The following NCAM1 variants were observed in gnomAD, a reference collection of about 807,000 sequenced individuals.
NCAM1 encodes the protein antigen recognized by monoclonal antibody 5.1H11.
NCAM1 carries 14 observed loss-of-function variants against 109.8 expected under a neutral mutation model. The observed-to-expected ratio is 0.13, with a 90% CI of 0.08 to 0.20. The LOEUF is 0.20. Ranked by LOEUF, NCAM1 falls within the 10% of genes least tolerant of loss-of-function variation. NCAM1 has a pLI of 1.00. For synonymous variants in NCAM1, 418 were observed against 442.9 expected, an observed-to-expected ratio of 0.94 and a Z score of 0.70; for missense variants, 774 against 1,109.9, an observed-to-expected ratio of 0.70 and a Z score of 4.30.
chr11:112,963,520 C>T lies in NCAM1; in HGVS notation c.52+1856C>T, dbSNP rs1243664312. 2 of 152,242 alleles carry T rather than the reference C, an allele frequency of 1.3e-5. No homozygotes were observed. The highest frequency in any genetic ancestry group is 2.4e-5 in the African/African-American group (1 of 41,442). The allele number at this position is 152,242 out of a possible 1,614,324, so 9.4% of individuals were successfully genotyped here. On this transcript the variant is annotated intron_variant, in intron 1 of 19. Coordinates refer to ENST00000316851, the MANE Select transcript of NCAM1 (RefSeq NM_181351.5). The surrounding 1 kb of genome is among the most constrained non-coding windows in gnomAD (Gnocchi z 4.6). The stretch of plus-strand genomic sequence containing the variant: ...GGCGGGGCGGGGCCGTGGCAGGGCC[C>T]GGAGAGGAGGGGTGGGGACCAAGCC...
At chr11:113,093,682 G>A (rs1441172685) in intron 1 of NCAM1, among the ~76,000 whole-genome samples, 1 of 152,204 alleles carries the variant, frequency 6.6e-6, no homozygotes, top group Non-Finnish European at 1.5e-5. Context: ...GGCATGCTCA[G>A]TATCTACCAA....
At chr11:113,211,536 T>C (rs1411775242) in intron 7 of NCAM1, among the ~76,000 whole-genome samples, 2 of 152,102 alleles carry the variant, frequency 1.3e-5, no homozygotes, top group Non-Finnish European at 2.9e-5. Context: ...GAATTCTCAT[T>C]ACTGTTGTCC....
At chr11:113,027,094 A>G (rs2135304393) in intron 1 of NCAM1, among the ~76,000 whole-genome samples, 1 of 152,328 alleles carries the variant, frequency 6.6e-6, no homozygotes, top group East Asian at 1.9e-4. Flanking sequence ...TCACCTTGAG[A>G]TTGTCTGTGA....
intron 1 of NCAM1, among the ~76,000 whole-genome samples, chr11:113,002,160 A>G (rs1555072575): frequency 6.6e-6 from 1 of 152,162 alleles, no homozygotes; most frequent in Non-Finnish European, 1.5e-5. Context: ...CCTCACCTTA[A>G]TCTCATGGGC....
intron 1 of NCAM1, among the ~76,000 whole-genome samples, chr11:113,053,008 T>C (rs1555082028): frequency 6.6e-6 from 1 of 152,124 alleles, no homozygotes; most frequent in African/African-American, 2.4e-5. Context: ...ACAAAGAGTG[T>C]AGGTCTTTGC....
intron 1 of NCAM1, among the ~76,000 whole-genome samples, chr11:112,974,671 G>A (rs536404864): frequency 1.3e-4 from 20 of 152,094 alleles, no homozygotes; most frequent in Admixed American, 1.2e-3. Context: ...GGGTGCTTCT[G>A]CCCTCAACAA....
rs146551149 is a variant in NCAM1, at chr11:113,241,958, T to C, written c.1826-4410T>C. 2.0e-5 allele frequency among the ~76,000 whole-genome samples: 3 copies of C among 152,300 alleles called. No homozygotes were observed. The East Asian group carries it at 5.8e-4, about 29-fold the overall frequency. On this transcript the variant is annotated intron_variant, in intron 14 of 19. Transcript: ENST00000316851. The stretch of plus-strand genomic sequence containing the variant: ...ACTCAGAAGCATGCCCACCATCCCA[T>C]GCAGTGCTTTTCCAGGCACTGTCCT...
intron 1 of NCAM1, among the ~76,000 whole-genome samples, chr11:113,027,817 A>C (rs2135311480): frequency 6.6e-6 from 1 of 152,342 alleles, no homozygotes; most frequent in South Asian, 2.1e-4. Flanking sequence ...AAGGTAATTT[A>C]AATCAAACTT....
At chr11:113,249,820 T>C (rs1555120933) in intron 15 of NCAM1, among the ~76,000 whole-genome samples, 11 of 152,212 alleles carry the variant, frequency 7.2e-5, no homozygotes, top group Non-Finnish European at 1.5e-5. Context: ...AGCTCGTTGG[T>C]TGCTGTTTAA....
At chr11:113,088,698 A>T (rs1362310222) in intron 1 of NCAM1, among the ~76,000 whole-genome samples, 7 of 152,210 alleles carry the variant, frequency 4.6e-5, no homozygotes, top group Non-Finnish European at 8.8e-5. Context: ...CTACAGGTGT[A>T]TGTAGGAAAT....
intron 17 of NCAM1, among the ~76,000 whole-genome samples, chr11:113,267,551 C>T (rs1565539766): frequency 6.6e-6 from 1 of 152,078 alleles, no homozygotes; most frequent in Non-Finnish European, 1.5e-5. Context: ...GGCCCTAAAG[C>T]GGGTTGAGCT....
At chr11:113,205,279 A>G (rs1191502202) in intron 3 of NCAM1, among the ~76,000 whole-genome samples, 8 of 152,058 alleles carry the variant, frequency 5.3e-5, no homozygotes, top group Non-Finnish European at 1.2e-4. Context: ...CATTCTGTAG[A>G]CCCTTTTCTG....
In NCAM1 at chr11:112,961,470, A is replaced by C; in HGVS notation, c.-143A>C. 1 of 783,660 alleles carries C rather than the reference A, an allele frequency of 1.3e-6. No individual in the cohort carries two copies. Among genetic ancestry groups the C allele is most frequent in the Admixed American group, 1.7e-5 (1 of 58,626 alleles). The allele number at this position is 783,660 out of a possible 1,614,324, so 48.5% of individuals were successfully genotyped here. A position where few individuals can be genotyped will look rare whatever the true frequency, so the allele number is the denominator to read the frequency against. ...CGCAGCTCGGCTGCCGCTGGCAGGA[A>C]ACAATTCTGCAAAAATAATCATACT... On this transcript the variant is annotated 5_prime_UTR_variant, in exon 1 of 20. Coordinates refer to ENST00000316851, the MANE Select transcript of NCAM1 (RefSeq NM_181351.5).
chr11:113,218,452 T>C (rs1371247763), intron 8 of NCAM1, among the ~76,000 whole-genome samples: 1 of 152,236 alleles, frequency 6.6e-6, no homozygotes, highest in East Asian at 1.9e-4. Flanking sequence ...GCTTCACTGC[T>C]GAGTTTAGTC....
chr11:113,198,595 C>G (rs1943929328), intron 1 of NCAM1, among the ~76,000 whole-genome samples: 1 of 152,140 alleles, frequency 6.6e-6, no homozygotes, highest in African/African-American at 2.4e-5. Context: ...CCTGCTTCAG[C>G]CTCCCAAAGT....
At chr11:113,167,543 T>TAA (rs113240328) in intron 1 of NCAM1, among the ~76,000 whole-genome samples, 17,522 of 143,858 alleles carry the variant, frequency 0.12, 1,191 homozygotes, top group East Asian at 0.3. Context: ...TTTTTTTAAT[T>TAA]AAAAAAAAAA....
chr11:113,018,862 AT>A (rs1555075762), intron 1 of NCAM1, among the ~76,000 whole-genome samples: 1 of 152,132 alleles, frequency 6.6e-6, no homozygotes, highest in African/African-American at 2.4e-5. Flanking sequence ...TTGGTGGAGA[AT>A]TTTCATTACA....
rs782703452 is a variant in NCAM1, at chr11:113,153,473, A to AGT, written c.53-48905_53-48904insTG. ...GAGAGTGAGAGAGAGAGAGAGAGAG[A>AGT]GAGTGTGTGTGTGTGTGTATGTGGC... On this transcript the variant is annotated intron_variant, in intron 1 of 19. Coordinates refer to ENST00000316851, the MANE Select transcript of NCAM1 (RefSeq NM_181351.5). Among the ~76,000 whole-genome samples, 1,172 of 148,834 alleles carry AGT rather than the reference A, an allele frequency of 7.9e-3. 10 individuals carry two copies. The highest frequency in any genetic ancestry group is 0.015 in the Admixed American group (223 of 14,740).
chr11:113,074,122 G>T (rs1265567841), intron 1 of NCAM1, among the ~76,000 whole-genome samples: 2 of 152,142 alleles, frequency 1.3e-5, no homozygotes, highest in African/African-American at 2.4e-5. Context: ...TTACTTTTTG[G>T]TGCTGCTGCT....
Sources: gnomAD v4.1 joint callset for allele counts (sites outside exome capture counted in the v4.1 genomes callset) on GRCh38, gnomAD v4.1.1 for gene constraint, Gnocchi (gnomAD v3.1) non-coding constraint, MANE v1.5 for transcripts, NCBI Gene and HGNC (gene_info 2026-07-23, HGNC 2026-07-21) for gene names.